SOX5: variants seen among roughly 807,000 people sequenced by gnomAD.
SOX5 encodes the protein SRY-box transcription factor 5, also known as transcription factor SOX-5.
In SOX5, 9 loss-of-function variants were observed where a neutral mutation model predicts 92.0. That is an observed-to-expected ratio of 0.10 (90% CI 0.06 to 0.17). The LOEUF is 0.17. SOX5 is among the 10% of genes least tolerant of loss of function. The pLI, the probability that SOX5 is intolerant of heterozygous loss-of-function variation, is 1.00. For synonymous variants in SOX5, 344 were observed against 336.3 expected (o/e 1.02, Z -0.25); for missense variants, 642 against 944.5 (o/e 0.68, Z 4.20).
At chr12:23,773,791 T>G (rs2095015231) in intron 3 of SOX5, among the ~76,000 whole-genome samples, 1 of 152,072 alleles carries the variant, frequency 6.6e-6, no homozygotes, top group Non-Finnish European at 1.5e-5. Flanking sequence ...AAAATCAATA[T>G]AAAACCTAAA....
At chr12:24,301,084 G>T (rs769464303) in intron 2 of SOX5, among the ~76,000 whole-genome samples, 8 of 152,198 alleles carry the variant, frequency 5.3e-5, no homozygotes, top group Non-Finnish European at 1.2e-4. Context: ...GCCAGCAGCT[G>T]CCATAACCTT....
chr12:24,253,785 T>G (rs778778766), intron 3 of SOX5, among the ~76,000 whole-genome samples: 3 of 152,220 alleles, frequency 2.0e-5, no homozygotes, highest in Non-Finnish European at 4.4e-5. Context: ...TGTTATTTAC[T>G]ATGGCATTTA....
At chr12:23,875,341 G>T (rs2096916660) in intron 2 of SOX5, among the ~76,000 whole-genome samples, 1 of 152,074 alleles carries the variant, frequency 6.6e-6, no homozygotes, top group Non-Finnish European at 1.5e-5. Flanking sequence ...TAGGAAAGTT[G>T]GCTGCTGAAA....
At chr12:23,557,134 G>A (rs1945317297) in intron 11 of SOX5, among the ~76,000 whole-genome samples, 1 of 152,278 alleles carries the variant, frequency 6.6e-6, no homozygotes, top group Admixed American at 6.5e-5. Flanking sequence ...TGGTTGTAAT[G>A]GACGAGTTTC....
At chr12:23,551,617 A>C (rs1042406637) in intron 11 of SOX5, among the ~76,000 whole-genome samples, 2 of 151,932 alleles carry the variant, frequency 1.3e-5, no homozygotes, top group African/African-American at 4.8e-5. Flanking sequence ...TATCCGTGAG[A>C]ATAGCCATAG....
intron 3 of SOX5, among the ~76,000 whole-genome samples, chr12:23,773,525 C>T (rs1594280241): frequency 6.6e-6 from 1 of 152,102 alleles, no homozygotes. Context: ...GCACGTGCCA[C>T]CACGTCTGAC....
intron 2 of SOX5, among the ~76,000 whole-genome samples, chr12:24,320,875 AATAATAAT>A (rs1950156810): frequency 4.0e-5 from 3 of 75,100 alleles, no homozygotes; most frequent in Non-Finnish European, 9.9e-5. Context: ...AAAAAAAAAT[AATAATAAT>A]AATAATAATA....
chr12:24,226,916 C>G (rs1203478715), intron 3 of SOX5, among the ~76,000 whole-genome samples: 2 of 152,196 alleles, frequency 1.3e-5, no homozygotes, highest in East Asian at 1.9e-4. Flanking sequence ...CAGTCTGACA[C>G]AAGAGCTTGG....
chr12:24,176,237 G>A (rs1954795099), intron 4 of SOX5, among the ~76,000 whole-genome samples: 1 of 151,962 alleles, frequency 6.6e-6, no homozygotes, highest in Non-Finnish European at 1.5e-5. Flanking sequence ...GCTGAGGTGG[G>A]ACAATCGCCT....
At chr12:23,871,013 A>G (rs75509734) in intron 2 of SOX5, among the ~76,000 whole-genome samples, 3,823 of 152,230 alleles carry the variant, frequency 0.025, 166 homozygotes, top group African/African-American at 0.088. Flanking sequence ...ATACTTAACT[A>G]TGAAGAATTA....
intron 1 of SOX5, among the ~76,000 whole-genome samples, chr12:24,423,250 G>A (rs1362547605): frequency 2.0e-5 from 3 of 152,192 alleles, no homozygotes; most frequent in Non-Finnish European, 4.4e-5. Flanking sequence ...AAGAGCAGTT[G>A]TTGGTGACAT....
intron 2 of SOX5, among the ~76,000 whole-genome samples, chr12:23,867,280 T>C (rs1225686312): frequency 2.0e-5 from 3 of 152,122 alleles, no homozygotes; most frequent in African/African-American, 4.8e-5. Flanking sequence ...ACAATGATAA[T>C]GTTAACTCAG....
At chr12:23,775,878 T>C (rs2141635041) in intron 3 of SOX5, among the ~76,000 whole-genome samples, 1 of 152,308 alleles carries the variant, frequency 6.6e-6, no homozygotes. Flanking sequence ...ACATACCATC[T>C]AACGCCACGG....
intron 1 of SOX5, among the ~76,000 whole-genome samples, chr12:24,472,137 A>G (rs1242707706): frequency 1.3e-5 from 2 of 152,228 alleles, no homozygotes; most frequent in Non-Finnish European, 2.9e-5. Flanking sequence ...GAAGATCTTA[A>G]AAGTAAAAAC....
chr12:23,888,253 C>A (rs2097092332), intron 2 of SOX5, among the ~76,000 whole-genome samples: 1 of 152,074 alleles, frequency 6.6e-6, no homozygotes, highest in South Asian at 2.1e-4. Context: ...TCATTAAATT[C>A]CATTAGACCA....
In SOX5 at chr12:24,054,655, C is replaced by T. The variant is rs145984448; in HGVS notation, c.-1-158631G>A. Among the ~76,000 whole-genome samples the T allele has an allele frequency of 8.1e-3, 1,236 of 152,308 alleles. 12 individuals are homozygous for T. Among genetic ancestry groups the T allele is most frequent in the Middle Eastern group, 0.078 (23 of 294 alleles). On this transcript the variant is annotated intron_variant, in intron 4 of 4. Coordinates refer to the SOX5 transcript ENST00000446891. ...CTTCCAGGAATGGCACCCAGCCATC[C>T]TGGCAACCAGAATTAGAGCAAAGAA...
Position 23,580,452 on chromosome 12 carries a change from C to CT in SOX5, c.1165-4615dup, listed in dbSNP as rs199711301. On this transcript the variant is annotated intron_variant, in intron 9 of 14. Transcript: ENST00000451604. ...GGCGCAAATTCACTTATCTTGGTGA[C>CT]TTTTTTTGTGCTTCTCTGACCTCTA... 5.4e-3 allele frequency among the ~76,000 whole-genome samples: 822 copies of CT among 151,960 alleles called. 5 individuals carry two copies. Among genetic ancestry groups the CT allele is most frequent in the Admixed American group, 0.011 (160 of 15,230 alleles).
chr12:24,161,861 A>G (rs1053418623), intron 4 of SOX5, among the ~76,000 whole-genome samples: 1 of 152,124 alleles, frequency 6.6e-6, no homozygotes, highest in Non-Finnish European at 1.5e-5. Flanking sequence ...AAGTGTGTAC[A>G]TACACTTTCC....
intron 5 of SOX5, among the ~76,000 whole-genome samples, chr12:23,735,148 C>A (rs536622310): frequency 6.6e-6 from 1 of 152,096 alleles, no homozygotes; most frequent in African/African-American, 2.4e-5. Context: ...CAGAGTAGCA[C>A]AAAGTATTGC....
Sources: gnomAD v4.1 joint callset for allele counts (sites outside exome capture counted in the v4.1 genomes callset) on GRCh38, gnomAD v4.1.1 for gene constraint, MANE v1.5 for transcripts, NCBI Gene and HGNC (gene_info 2026-07-23, HGNC 2026-07-21) for gene names.